SCP2: variants seen among roughly 807,000 people sequenced by gnomAD.
SCP2 encodes sterol carrier protein 2, also known as SCP-2/3-oxoacyl-CoA thiolase.
A neutral mutation model predicts 71.4 loss-of-function variants in SCP2; 48 were observed. The ratio of observed to expected loss-of-function variants is 0.67; its 90% CI spans 0.53 to 0.86. The LOEUF is 0.86. SCP2 is among the 40% of genes least tolerant of loss of function. SCP2 has a pLI of 0.00. For synonymous variants in SCP2, 220 were observed against 218.1 expected, an observed-to-expected ratio of 1.01 and a Z score of -0.08; for missense variants, 560 against 655.6, an observed-to-expected ratio of 0.85 and a Z score of 1.59.
intron 11 of SCP2, among the ~76,000 whole-genome samples, chr1:52,991,119 G>C (rs1659457966): frequency 2.6e-5 from 4 of 152,194 alleles, no homozygotes; most frequent in African/African-American, 9.7e-5. Flanking sequence ...TCTTGGGTTT[G>C]AACCTAGCCT....
chr1:53,011,311 G>C (rs1158410770), intron 11 of SCP2, among the ~76,000 whole-genome samples: 1 of 152,166 alleles, frequency 6.6e-6, no homozygotes, highest in Non-Finnish European at 1.5e-5. Flanking sequence ...AAAGACCTCA[G>C]AGAATAACTC....
At position 53,008,595 on chromosome 1, in the gene SCP2, A is replaced by C. The variant is rs188739931; in HGVS notation, c.1082-6295A>C. Among the ~76,000 whole-genome samples, 553 of 152,196 alleles carry C rather than the reference A, an allele frequency of 3.6e-3. 6 individuals carry two copies. Among genetic ancestry groups the C allele is most frequent in the African/African-American group, 0.013 (526 of 41,500 alleles). On this transcript the variant is annotated intron_variant, in intron 11 of 15. Transcript: ENST00000371514. Reference sequence around the variant, plus strand: ...AATTCAACAGCCCATCATGCTAAAAACTCTCAATAAACTAGGTATTGATTG... The same window carrying C: ...AATTCAACAGCCCATCATGCTAAAACCTCTCAATAAACTAGGTATTGATTG...
At chr1:53,015,355 G>C (rs1661262595) in intron 12 of SCP2, among the ~76,000 whole-genome samples, 1 of 152,164 alleles carries the variant, frequency 6.6e-6, no homozygotes. Context: ...GGCCTTCCAG[G>C]CTTCTGAGGT....
chr1:53,013,352 A>C (rs1661105764), intron 11 of SCP2, among the ~76,000 whole-genome samples: 1 of 149,452 alleles, frequency 6.7e-6, no homozygotes, highest in South Asian at 2.1e-4. Flanking sequence ...TGGGGAGGCC[A>C]AGGTGGGCAG....
At chr1:53,024,264 A>G (rs1278681711) in intron 12 of SCP2, among the ~76,000 whole-genome samples, 1 of 152,162 alleles carries the variant, frequency 6.6e-6, no homozygotes, top group African/African-American at 2.4e-5. Flanking sequence ...TCAAAATTAT[A>G]GAGACAGAAA....
intron 3 of SCP2, among the ~76,000 whole-genome samples, chr1:52,949,516 A>AGGGTCATTTATAACC (rs1553143759): frequency 6.6e-6 from 1 of 152,228 alleles, no homozygotes; most frequent in Non-Finnish European, 1.5e-5. Context: ...CAAAGGAGAC[A>AGGGTCATTTATAACC]GGGTCATTTA....
At chr1:52,961,066 C>CTTTTTTTTTTTT (rs774047289) in intron 5 of SCP2, among the ~76,000 whole-genome samples, 20 of 92,168 alleles carry the variant, frequency 2.2e-4, no homozygotes, top group South Asian at 3.9e-4. Flanking sequence ...TCCTTTGGTT[C>CTTTTTTTTTTTT]TTTTTTTTTT....
intron 12 of SCP2, among the ~76,000 whole-genome samples, chr1:53,020,458 T>G (rs1572196162): frequency 6.6e-6 from 1 of 152,092 alleles, no homozygotes; most frequent in Middle Eastern, 3.4e-3. Context: ...AGTTTTATCT[T>G]AGTTTAATTT....
At chr1:52,977,820 C>T (rs569431520) in intron 8 of SCP2, among the ~76,000 whole-genome samples, 20 of 152,178 alleles carry the variant, frequency 1.3e-4, no homozygotes, top group African/African-American at 4.3e-4. Context: ...ATTAGCCAGG[C>T]GTGGTAGCGC....
intron 1 of SCP2, among the ~76,000 whole-genome samples, chr1:52,937,329 T>G (rs1462725502): frequency 1.3e-5 from 2 of 152,346 alleles, no homozygotes; most frequent in African/African-American, 4.8e-5. Flanking sequence ...CTGTTTTTAT[T>G]ATAAAGTTTG....
intron 1 of SCP2, among the ~76,000 whole-genome samples, chr1:52,930,086 G>A (rs1396584001): frequency 3.3e-5 from 5 of 152,128 alleles, no homozygotes; most frequent in Non-Finnish European, 7.3e-5. Context: ...AACTTCCTCA[G>A]ACTACTCTAA....
At chr1:52,951,811 G>A (rs993472574) in intron 4 of SCP2, among the ~76,000 whole-genome samples, 29 of 151,826 alleles carry the variant, frequency 1.9e-4, no homozygotes, top group African/African-American at 7.0e-4. Context: ...CCACCTCCCG[G>A]GTTCAAGTGA....
At chr1:52,974,468 C>T (rs984600534) in intron 6 of SCP2, among the ~76,000 whole-genome samples, 4 of 152,102 alleles carry the variant, frequency 2.6e-5, no homozygotes, top group African/African-American at 9.7e-5. Flanking sequence ...TGTTCTCCTG[C>T]CTTAAAACCA....
chr1:52,944,445 A>G (rs1208481637), intron 2 of SCP2, among the ~76,000 whole-genome samples: 1 of 152,136 alleles, frequency 6.6e-6, no homozygotes, highest in Non-Finnish European at 1.5e-5. Context: ...GGTTCAAGAG[A>G]TTTGATTAAT....
intron 11 of SCP2, 132 bp downstream of exon 11, chr1:52,988,268 T>G (rs1001836909): frequency 6.1e-6 from 4 of 654,352 alleles, no homozygotes; most frequent in Non-Finnish European, 1.1e-5. Flanking sequence ...ATTGTTTAGC[T>G]TCAATATTTT....
At chr1:52,938,247 A>C (rs570044026) in intron 1 of SCP2, among the ~76,000 whole-genome samples, 4 of 152,330 alleles carry the variant, frequency 2.6e-5, no homozygotes, top group African/African-American at 9.6e-5. Context: ...ACCTTGAAAT[A>C]AGAATAAATA....
chr1:52,965,090 T>C (rs1656833248), intron 6 of SCP2, among the ~76,000 whole-genome samples: 1 of 152,226 alleles, frequency 6.6e-6, no homozygotes, highest in Admixed American at 6.5e-5. Flanking sequence ...AGTTCTTTCA[T>C]AGTCACTACA....
intron 4 of SCP2, among the ~76,000 whole-genome samples, chr1:52,952,647 A>T (rs1020830168): frequency 4.6e-4 from 70 of 152,028 alleles, no homozygotes; most frequent in Non-Finnish European, 8.8e-5. Flanking sequence ...GGCACCTGTA[A>T]TCCTAGCTTC....
rs540917167 is a variant in SCP2, at chr1:53,002,581, G to A, written c.1082-12309G>A. Among the ~76,000 whole-genome samples the A allele has an allele frequency of 6.6e-5, 10 of 152,282 alleles. No homozygotes were observed. The South Asian group carries it at 2.1e-3, about 32-fold the overall frequency. On this transcript the variant is annotated intron_variant, in intron 11 of 15. Coordinates refer to ENST00000371514, the MANE Select transcript of SCP2 (RefSeq NM_002979.5). ...ATAGGAATGTTGTAAGGAGAATTTTGCCCATCTGTTGGGCCTTAGATTTGA... is the reference window on the plus strand; with the variant it reads ...ATAGGAATGTTGTAAGGAGAATTTTACCCATCTGTTGGGCCTTAGATTTGA...
Sources: gnomAD v4.1 joint callset for allele counts (sites outside exome capture counted in the v4.1 genomes callset) on GRCh38, gnomAD v4.1.1 for gene constraint, MANE v1.5 for transcripts, NCBI Gene and HGNC (gene_info 2026-07-23, HGNC 2026-07-21) for gene names.